Variants in AFF2 observed in about 807,000 individuals in gnomAD.
AFF2 encodes the protein AF4/FMR2 family member 2.
AFF2 carries 14 observed loss-of-function variants against 76.9 expected under a neutral mutation model. The observed-to-expected ratio is 0.18, with a 90% CI of 0.12 to 0.28. The LOEUF (loss-of-function observed/expected upper bound fraction) is 0.28. Among genes scored for constraint, AFF2 ranks in the 10% least tolerant of loss-of-function variants. AFF2 has a pLI of 1.00. For synonymous variants in AFF2, 398 were observed against 366.7 expected (o/e 1.09, Z -0.98); for missense variants, 868 against 1,001.1 (o/e 0.87, Z 1.79).
chrX:148,827,577 C>T (rs1401098506), intron 4 of AFF2, among the ~76,000 whole-genome samples: 2 of 111,951 alleles, frequency 1.8e-5, no homozygotes, highest in East Asian at 5.6e-4. Context: ...CGTATCTCTC[C>T]AACAATGTGA....
At chrX:148,960,386 G>A (rs2072095081) in intron 12 of AFF2, among the ~76,000 whole-genome samples, 1 of 112,577 alleles carries the variant, frequency 8.9e-6, no homozygotes, top group South Asian at 3.7e-4. Flanking sequence ...GCACAGCCAT[G>A]TTCCTTACAC....
At chrX:148,637,655 A>G (rs1557254041) in intron 1 of AFF2, among the ~76,000 whole-genome samples, 1 of 112,499 alleles carries the variant, frequency 8.9e-6, no homozygotes, top group African/African-American at 3.2e-5. Flanking sequence ...AATGTATGCA[A>G]AATATTTCAT....
chrX:148,572,060 C>T (rs1051056063), intron 1 of AFF2, among the ~76,000 whole-genome samples: 1 of 93,713 alleles, frequency 1.1e-5, no homozygotes, highest in Non-Finnish European at 2.1e-5. Flanking sequence ...AAAAAAAAAA[C>T]TGTTACAAAA....
In AFF2 at chrX:148,993,862, G is replaced by A. The variant is rs905971772; in HGVS notation, c.*2530G>A. ...GATGAATTACCTTCCTATCCCTTGA[G>A]ATAAGACATCTTTCAGTTTCATGAT... On this transcript the variant is annotated 3_prime_UTR_variant, in exon 21 of 21. Transcript: ENST00000370460. 5 of 112,288 alleles carry A rather than the reference G, an allele frequency of 4.5e-5. No homozygotes were observed. Among genetic ancestry groups the A allele is most frequent in the Non-Finnish European group, 7.5e-5 (4 of 53,229 alleles). The allele number at this position is 112,288 out of a possible 1,213,427, so 9.3% of individuals were successfully genotyped here.
In AFF2 at chrX:148,956,303, G is replaced by T. The variant is rs782294038; in HGVS notation, c.2258G>T (p.Ser753Ile). The T allele has an allele frequency of 2.4e-5, 29 of 1,211,902 alleles. No individual in the cohort carries two copies. The highest frequency in any genetic ancestry group is 3.2e-5 in the Non-Finnish European group (29 of 895,535). ...TAKSKEICGA[S>I]LTLSTLMSSS... Reference sequence around the variant, plus strand: ...AAATCCAAGGAAATCTGTGGTGCCAGCCTGACCCTCAGCACCTTAATGAGT... The same window carrying T: ...AAATCCAAGGAAATCTGTGGTGCCATCCTGACCCTCAGCACCTTAATGAGT... The change falls in exon 11 of 21, where the codon AGC becomes ATC. Residue 753 changes from serine (S) to isoleucine (I), a missense_variant. Around this residue, in one of 6 missense-constraint regions of AFF2, gnomAD observed 532 missense variants for 564.2 expected, o/e 0.94. Coordinates refer to ENST00000370460, the MANE Select transcript of AFF2 (RefSeq NM_002025.4).
At chrX:148,713,494 A>G (rs1332294794) in intron 3 of AFF2, among the ~76,000 whole-genome samples, 2 of 112,109 alleles carry the variant, frequency 1.8e-5, no homozygotes, top group East Asian at 5.6e-4. Flanking sequence ...AGAATGCACA[A>G]TGTGCCCTGA....
At chrX:148,916,262 T>C (rs1211163489) in intron 9 of AFF2, among the ~76,000 whole-genome samples, 1 of 88,055 alleles carries the variant, frequency 1.1e-5, no homozygotes, top group Non-Finnish European at 2.1e-5. Flanking sequence ...CAGGTTGGAG[T>C]GCAGTGGCGC....
rs1190797064 is a variant in AFF2, at chrX:148,790,827, A to C, written c.1042-19049A>C. Among the ~76,000 whole-genome samples the C allele has an allele frequency of 3.6e-5, 4 of 111,864 alleles. No individual in the cohort carries two copies. The Admixed American group carries it at 3.8e-4, about 11-fold the overall frequency. On this transcript the variant is annotated intron_variant, in intron 3 of 20. Coordinates refer to ENST00000370460, the MANE Select transcript of AFF2 (RefSeq NM_002025.4). ...TGTAACAAACCTGCACATCCTGAAC[A>C]TGTACCCCAGAACTTAAAATAAAAA... is the stretch of plus-strand genomic sequence containing the variant.
intron 3 of AFF2, among the ~76,000 whole-genome samples, chrX:148,707,643 C>G (rs2124523483): frequency 9.1e-6 from 1 of 110,101 alleles, no homozygotes; most frequent in African/African-American, 3.3e-5. Flanking sequence ...ATCATCATCC[C>G]AATTTTATTA....
At chrX:148,694,613 G>A (rs1251668615) in intron 3 of AFF2, among the ~76,000 whole-genome samples, 2 of 111,538 alleles carry the variant, frequency 1.8e-5, no homozygotes, top group Non-Finnish European at 3.8e-5. Flanking sequence ...TTGTTTGCAT[G>A]TTTTGCTGCT....
intron 3 of AFF2, among the ~76,000 whole-genome samples, chrX:148,808,635 A>T (rs2070166604): frequency 8.9e-6 from 1 of 111,932 alleles, no homozygotes; most frequent in African/African-American, 3.3e-5. Context: ...GGCCATCTAG[A>T]ATTGATAGCC....
intron 9 of AFF2, among the ~76,000 whole-genome samples, chrX:148,947,764 G>A (rs1468312327): frequency 8.9e-6 from 1 of 112,306 alleles, no homozygotes; most frequent in Non-Finnish European, 1.9e-5. Context: ...AGCTGCGGAT[G>A]TTGATTCCTT....
intron 9 of AFF2, among the ~76,000 whole-genome samples, chrX:148,947,612 A>AT (rs781902668): frequency 2.7e-5 from 3 of 111,765 alleles, no homozygotes; most frequent in African/African-American, 6.5e-5. Context: ...ACAAAATGGA[A>AT]TCTTCCCAGT....
At chrX:148,700,628 G>A (rs1265929061) in intron 3 of AFF2, among the ~76,000 whole-genome samples, 1 of 110,765 alleles carries the variant, frequency 9.0e-6, no homozygotes, top group Non-Finnish European at 1.9e-5. Flanking sequence ...TGAAGAGGAA[G>A]TTAATAACAG....
At chrX:148,871,733 A>G (rs1282996485) in intron 7 of AFF2, among the ~76,000 whole-genome samples, 1 of 111,219 alleles carries the variant, frequency 9.0e-6, no homozygotes, top group Non-Finnish European at 1.9e-5. Context: ...AGGGAGGAGG[A>G]GAAGAGTCTT....
intron 4 of AFF2, among the ~76,000 whole-genome samples, chrX:148,836,399 AT>A: frequency 8.9e-6 from 1 of 111,910 alleles, no homozygotes; most frequent in South Asian, 3.8e-4. Context: ...CTGAGTAATT[AT>A]AGAAGGAAAA....
intron 1 of AFF2, among the ~76,000 whole-genome samples, chrX:148,516,424 G>T (rs782463827): frequency 9.0e-6 from 1 of 111,482 alleles, no homozygotes; most frequent in Non-Finnish European, 1.9e-5. Flanking sequence ...AGATCAAAAG[G>T]CTAACAGGAA....
In AFF2 at chrX:148,995,332, A is replaced by C. The variant is rs1340822226; in HGVS notation, c.*4000A>C. The C allele has an allele frequency of 9.0e-6, 1 of 110,665 alleles. No homozygotes were observed. Among genetic ancestry groups the C allele is most frequent in the Non-Finnish European group, 1.9e-5 (1 of 52,838 alleles). The allele number at this position is 110,665 out of a possible 1,213,427, so 9.1% of individuals were successfully genotyped here. A position where few individuals can be genotyped will look rare whatever the true frequency, so the allele number is the denominator to read the frequency against. ...TCTCAGACATTAATCCTACCATCTG[A>C]TATTTTTGGTGAAGGAAAAAGTATT... On this transcript the variant is annotated 3_prime_UTR_variant, in exon 21 of 21. Transcript: ENST00000370460.
In AFF2 at chrX:148,654,772, C is replaced by T. The variant is rs183473107; in HGVS notation, c.180+2641C>T. ...ATTGGGGAAGTGCAAGAAATCAGGG[C>T]CTCCATTTTCTGCAGAAAATGGAGG... On this transcript the variant is annotated intron_variant, in intron 2 of 20. Coordinates refer to ENST00000370460, the MANE Select transcript of AFF2 (RefSeq NM_002025.4). Among the ~76,000 whole-genome samples the T allele has an allele frequency of 2.0e-3, 212 of 108,565 alleles. 1 individual carries two copies. Among genetic ancestry groups the T allele is most frequent in the Non-Finnish European group, 3.0e-3 (155 of 52,452 alleles). The allele number at this position is 108,565 out of a possible 115,157, so 94.3% of individuals were successfully genotyped here. A position where few individuals can be genotyped will look rare whatever the true frequency, so the allele number is the denominator to read the frequency against.
Sources: gnomAD v4.1 joint callset for allele counts (sites outside exome capture counted in the v4.1 genomes callset) on GRCh38, gnomAD v4.1.1 for gene constraint, gnomAD v4.1.1 regional missense constraint, MANE v1.5 for transcripts, NCBI Gene and HGNC (gene_info 2026-07-23, HGNC 2026-07-21) for gene names.